Variants in NRG1 observed in about 807,000 individuals in gnomAD.
NRG1 encodes neuregulin 1, also known as pro-neuregulin-1, membrane-bound isoform.
In NRG1, 18 loss-of-function variants were observed where a neutral mutation model predicts 63.8. The observed-to-expected ratio is 0.28, with a 90% CI of 0.19 to 0.42. The LOEUF is 0.42. NRG1 is among the 10% of genes least tolerant of loss of function. NRG1 has a pLI of 1.00. For missense variants in NRG1, 762 were observed against 814.7 expected (o/e 0.94, Z 0.79); for synonymous variants, 302 against 301.3 (o/e 1.00, Z -0.02).
At chr8:31,988,383 A>T (rs1416602710) in intron 1 of NRG1, among the ~76,000 whole-genome samples, 2 of 152,038 alleles carry the variant, frequency 1.3e-5, no homozygotes, top group Non-Finnish European at 2.9e-5. Context: ...TTTTTCCTGA[A>T]TACACCGCTC....
At chr8:32,531,359 A>G (rs986527185) in intron 1 of NRG1, among the ~76,000 whole-genome samples, 1 of 152,076 alleles carries the variant, frequency 6.6e-6, no homozygotes, top group Non-Finnish European at 1.5e-5. Flanking sequence ...TGCCTCCAAG[A>G]AAGTCACTGT....
intron 1 of NRG1, among the ~76,000 whole-genome samples, chr8:32,390,338 A>G (rs1327505802): frequency 1.3e-5 from 2 of 152,172 alleles, no homozygotes; most frequent in Non-Finnish European, 2.9e-5. Context: ...TGATCCTAGC[A>G]CTTTGGGAGG....
At chr8:31,722,880 G>T (rs1298369256) in intron 1 of NRG1, among the ~76,000 whole-genome samples, 1 of 152,100 alleles carries the variant, frequency 6.6e-6, no homozygotes, top group African/African-American at 2.4e-5. Context: ...ATGCTGCTAA[G>T]CCCTCTGTAG....
intron 1 of NRG1, among the ~76,000 whole-genome samples, chr8:32,452,139 CT>C (rs1321352277): frequency 1.3e-5 from 2 of 152,114 alleles, no homozygotes; most frequent in African/African-American, 2.4e-5. Flanking sequence ...TAACTTCCTT[CT>C]GATCAAGTCA....
intron 1 of NRG1, among the ~76,000 whole-genome samples, chr8:31,710,554 T>G (rs1473573565): frequency 6.6e-6 from 1 of 152,040 alleles, no homozygotes; most frequent in Non-Finnish European, 1.5e-5. Flanking sequence ...TCATAACAAT[T>G]TTTTGTGAAT....
In NRG1 at chr8:32,726,917, ATT is replaced by A. The variant is rs34397296; in HGVS notation, c.503-1020_503-1019del. Among the ~76,000 whole-genome samples, 342 of 146,800 alleles carry A rather than the reference ATT, an allele frequency of 2.3e-3. 3 individuals carry two copies. Among genetic ancestry groups the A allele is most frequent in the African/African-American group, 8.0e-3 (323 of 40,520 alleles). ...GACAAAAAATTGCCTCTAAAGATGG[ATT>A]TTTTTTTTTTTCCTAAAAGAGTATA... On this transcript the variant is annotated intron_variant, in intron 5 of 11. Coordinates refer to ENST00000356819, the Ensembl canonical transcript of NRG1.
At chr8:32,208,317 CTTG>C (rs1844294087) in intron 1 of NRG1, among the ~76,000 whole-genome samples, 2 of 148,228 alleles carry the variant, frequency 1.3e-5, no homozygotes, top group Admixed American at 6.8e-5. Flanking sequence ...GAGGTTTGCT[CTTG>C]TTGTCCAGGC....
chr8:31,921,846 C>T (rs989146013), intron 1 of NRG1, among the ~76,000 whole-genome samples: 1 of 152,120 alleles, frequency 6.6e-6, no homozygotes, highest in Non-Finnish European at 1.5e-5. Context: ...ATCATCTAAA[C>T]CCTTAACTAA....
intron 1 of NRG1, among the ~76,000 whole-genome samples, chr8:31,791,417 C>T (rs1820698485): frequency 6.6e-6 from 1 of 152,018 alleles, no homozygotes; most frequent in Non-Finnish European, 1.5e-5. Context: ...TATATTAACA[C>T]CATAGGGAAA....
At chr8:32,702,585 C>T (rs528311513) in intron 5 of NRG1, among the ~76,000 whole-genome samples, 4 of 152,270 alleles carry the variant, frequency 2.6e-5, no homozygotes, top group Non-Finnish European at 5.9e-5. Context: ...CTCCTGGGTT[C>T]AAGCGATTCT....
intron 1 of NRG1, among the ~76,000 whole-genome samples, chr8:31,800,216 A>G (rs1189708613): frequency 1.3e-5 from 2 of 152,174 alleles, no homozygotes; most frequent in Non-Finnish European, 2.9e-5. Flanking sequence ...GAGTCTCTAT[A>G]CCCTTTATTT....
intron 1 of NRG1, among the ~76,000 whole-genome samples, chr8:31,761,649 A>G (rs1292462699): frequency 1.3e-5 from 2 of 152,080 alleles, no homozygotes; most frequent in African/African-American, 2.4e-5. Flanking sequence ...GAACACACAT[A>G]ACATTTGTTA....
chr8:32,072,638 T>G (rs891007257), intron 1 of NRG1, among the ~76,000 whole-genome samples: 1 of 152,168 alleles, frequency 6.6e-6, no homozygotes, highest in Non-Finnish European at 1.5e-5. Flanking sequence ...CTCCACTTTG[T>G]TTTTACTTTT....
At chr8:32,381,395 G>A (rs914473232) in intron 1 of NRG1, among the ~76,000 whole-genome samples, 21 of 152,122 alleles carry the variant, frequency 1.4e-4, no homozygotes, top group African/African-American at 5.1e-4. Context: ...TGGCTTGTTC[G>A]TTTGCTGACT....
At position 32,293,029 on chromosome 8, in the gene NRG1, G is replaced by A. The variant is rs1268994221; in HGVS notation, c.38-302799G>A. ...TGAGGCAGGAGAATCGCTTGAACCTGGGAGGCAGAGTTTGCAGTGAGCCAA... is the reference window on the plus strand; with the variant it reads ...TGAGGCAGGAGAATCGCTTGAACCTAGGAGGCAGAGTTTGCAGTGAGCCAA... On this transcript the variant is annotated intron_variant, in intron 1 of 10. Coordinates refer to the NRG1 transcript ENST00000519301. 2.6e-5 allele frequency among the ~76,000 whole-genome samples: 4 copies of A among 152,176 alleles called. No individual in the cohort carries two copies. In the East Asian group the frequency reaches 7.7e-4, roughly 29 times the overall value.
intron 1 of NRG1, among the ~76,000 whole-genome samples, chr8:32,310,445 G>T (rs1230900762): frequency 6.6e-6 from 1 of 152,148 alleles, no homozygotes; most frequent in Non-Finnish European, 1.5e-5. Context: ...GAAAGTATGT[G>T]CCCACTTCAT....
rs1358130180 is a variant in NRG1, at chr8:32,555,624, ACC to A, written c.100+6799_100+6800del. On this transcript the variant is annotated intron_variant, in intron 1 of 11. Transcript: ENST00000356819. ...GTAGCTGGGACTACAGGCGCCCACC[ACC>A]ACGCCCGGCTGATTTTTTGTATTTC... 8.3e-3 allele frequency among the ~76,000 whole-genome samples: 1,268 copies of A among 151,968 alleles called. 16 individuals carry two copies. The highest frequency in any genetic ancestry group is 0.029 in the African/African-American group (1,207 of 41,442).
At chr8:32,444,965 C>A (rs534275854) in intron 1 of NRG1, among the ~76,000 whole-genome samples, 3 of 152,292 alleles carry the variant, frequency 2.0e-5, no homozygotes, top group Non-Finnish European at 4.4e-5. Context: ...CTAGCTGCTG[C>A]CCTTACATGT....
chr8:31,651,673 A>G (rs1804858155), intron 1 of NRG1, among the ~76,000 whole-genome samples: 1 of 152,208 alleles, frequency 6.6e-6, no homozygotes, highest in Non-Finnish European at 1.5e-5. Context: ...ATGCTGAAAC[A>G]GTTGTCAAAT....
Sources: allele counts gnomAD v4.1 joint callset (sites outside exome capture counted in the v4.1 genomes callset), GRCh38; gene constraint gnomAD v4.1.1; transcripts MANE v1.5; gene names NCBI Gene and HGNC (gene_info 2026-07-23, HGNC 2026-07-21).